The following OR8B3 variants were observed in gnomAD, a reference collection of about 807,000 sequenced individuals.
The protein encoded by OR8B3 is olfactory receptor 8B3.
For missense variants in OR8B3, 278 were observed against 377.6 expected, an observed-to-expected ratio of 0.74 and a Z score of 2.19; for synonymous variants, 102 against 135.4, an observed-to-expected ratio of 0.75 and a Z score of 1.71.
chr11:124,396,144 A>G lies in OR8B3; in HGVS notation c.*266T>C. On this transcript the variant is annotated 3_prime_UTR_variant, in exon 2 of 2. Coordinates refer to ENST00000641139, the MANE Select transcript of OR8B3 (RefSeq NM_001005467.2). ...TATGTCCAATTAAGAACAGCCCAGG[A>G]GAGAGGAAGGATATAAAATGATAAT... is the stretch of plus-strand genomic sequence containing the variant. 1 of 350,952 alleles carries G rather than the reference A, an allele frequency of 2.8e-6. No homozygotes were observed. Among genetic ancestry groups the G allele is most frequent in the Non-Finnish European group, 5.1e-6 (1 of 196,408 alleles). 21.7% of individuals were successfully genotyped at this position (350,952 alleles called of 1,614,324 possible).
chr11:124,402,330 G>A (rs973977048), upstream of OR8B3, among the ~76,000 whole-genome samples: 2 of 152,090 alleles, frequency 1.3e-5, no homozygotes, highest in African/African-American at 2.4e-5. Context: ...TTCAAATCTC[G>A]AATTATGTTA....
rs1860859261 is a variant in OR8B3 at position 124,396,009 on chromosome 11, CT to C, written c.*400del. On this transcript the variant is annotated 3_prime_UTR_variant, in exon 2 of 2. Coordinates refer to ENST00000641139, the MANE Select transcript of OR8B3 (RefSeq NM_001005467.2). The stretch of plus-strand genomic sequence containing the variant: ...TTTCATCAAATCCAGCTGCCTATAT[CT>C]GTAACAATGTTGATAAAAATAAGAA... 6.2e-6 allele frequency: 1 copy of C among 161,234 alleles called. No homozygotes were observed. Among genetic ancestry groups the C allele is most frequent in the African/African-American group, 2.4e-5 (1 of 41,612 alleles). The allele number at this position is 161,234 out of a possible 1,614,324, so 10.0% of individuals were successfully genotyped here.
the OR8B3 span, among the ~76,000 whole-genome samples, chr11:124,406,779 T>G: frequency 4.1e-5 from 6 of 147,032 alleles, no homozygotes; most frequent in Admixed American, 4.1e-4. Context: ...TTGTTCTTTG[T>G]AACCTCCTTC....
upstream of OR8B3, among the ~76,000 whole-genome samples, chr11:124,403,482 G>T (rs1175671301): frequency 6.6e-6 from 1 of 151,424 alleles, no homozygotes; most frequent in Non-Finnish European, 1.5e-5. Flanking sequence ...ATGGGGTCGC[G>T]GCCGGGCAGA....
At chr11:124,406,355 T>A in the OR8B3 span, among the ~76,000 whole-genome samples, 1 of 152,180 alleles carries the variant, frequency 6.6e-6, no homozygotes, top group Non-Finnish European at 1.5e-5. Context: ...GCCTGGAATA[T>A]GGAAAGAGTC....
At chr11:124,402,395 C>T (rs1407351110), upstream of OR8B3, among the ~76,000 whole-genome samples, 1 of 152,090 alleles carries the variant, frequency 6.6e-6, no homozygotes, top group Non-Finnish European at 1.5e-5. Flanking sequence ...TAAATTATAG[C>T]TTTAATTTTA....
chr11:124,406,785 C>T, the OR8B3 span, among the ~76,000 whole-genome samples: 97 of 142,242 alleles, frequency 6.8e-4, no homozygotes, highest in South Asian at 1.1e-3. Flanking sequence ...TTTGTAACCT[C>T]CTTCTCACCA....
rs1860868446 is a variant in OR8B3, at chr11:124,396,393, A to G, written c.*17T>C. ...ATTTAAAGTTCTTCAATCGTTTTAC[A>G]TTATTACTGCTTCTAATTAGAATAT... On this transcript the variant is annotated 3_prime_UTR_variant, in exon 2 of 2. Transcript: ENST00000641139. 4 of 1,573,496 alleles carry G rather than the reference A, an allele frequency of 2.5e-6. No homozygotes were observed. The highest frequency in any genetic ancestry group is 1.4e-5 in the African/African-American group (1 of 72,852).
the OR8B3 span, chr11:124,404,595 A>G: frequency 1.3e-5 from 2 of 152,214 alleles, no homozygotes; most frequent in Non-Finnish European, 2.9e-5. Context: ...CTGCAGCCTC[A>G]CTATCTCTGG....
chr11:124,405,514 A>G, the OR8B3 span, among the ~76,000 whole-genome samples: 4 of 152,332 alleles, frequency 2.6e-5, no homozygotes, highest in African/African-American at 9.6e-5. Context: ...ACCAGTGCTC[A>G]ACCTCGAGGG....
At chr11:124,402,092 T>C (rs1861002999), upstream of OR8B3, among the ~76,000 whole-genome samples, 1 of 152,234 alleles carries the variant, frequency 6.6e-6, no homozygotes, top group Non-Finnish European at 1.5e-5. Flanking sequence ...TGACAGCATC[T>C]TTTTAGGCTC....
rs754454948 is a variant in OR8B3, at chr11:124,397,045, A to C, written c.307T>G (p.Phe103Val). 1 of 1,613,976 alleles carries C rather than the reference A, an allele frequency of 6.2e-7. No individual in the cohort carries two copies. Among genetic ancestry groups the C allele is most frequent in the Non-Finnish European group, 8.5e-7 (1 of 1,179,870 alleles). The change falls in exon 2 of 2, where the codon TTC (phenylalanine) becomes GTC (valine). Residue 103 changes from phenylalanine (F) to valine (V), a missense_variant. Transcript: ENST00000641139. ...TCAGAGATGACAAAAAAGAGAAAGA[A>C]AAACAGCTGAGTCATGCACCCAACA... Reference protein sequence around the residue: ...SYVGCMTQLFFFLFFVISECY... With the variant: ...SYVGCMTQLFVFLFFVISECY...
chr11:124,397,103 C>T lies in OR8B3; in HGVS notation c.249G>A (p.Met83Ile). ...TAATATTCTTTTTTGATACAAAGTT[C>T]ATTAGCATTTTGGGAGTGAAAACAG... ...YSSVFTPKML[M>I]NFVSKKNIIS... Residue 83 changes from methionine to isoleucine, a missense_variant, in exon 2 of 2, where the codon ATG becomes ATA. Physicochemically the swap from Met to Ile is conservative, Grantham distance 10 (BLOSUM62 1). Transcript: ENST00000641139. 6.2e-7 allele frequency: 1 copy of T among 1,613,668 alleles called. No homozygotes were observed. Among genetic ancestry groups the T allele is most frequent in the Non-Finnish European group, 8.5e-7 (1 of 1,179,832 alleles).
At chr11:124,407,022 A>G in the OR8B3 span, among the ~76,000 whole-genome samples, 54 of 152,198 alleles carry the variant, frequency 3.5e-4, no homozygotes, top group African/African-American at 1.3e-3. Flanking sequence ...TTGCTTTGAT[A>G]GTCTATGATT....
Position 124,396,360 on chromosome 11 carries a change from TA to T in OR8B3, c.*49del. 1 of 1,472,946 alleles carries T rather than the reference TA, an allele frequency of 6.8e-7. No homozygotes were observed. The highest frequency in any genetic ancestry group is 9.2e-7 in the Non-Finnish European group (1 of 1,091,824). 91.2% of individuals were successfully genotyped at this position (1,472,946 alleles called of 1,614,324 possible). On this transcript the variant is annotated 3_prime_UTR_variant, in exon 2 of 2. Transcript: ENST00000641139. ...AACAAAATCTCTTCATGGAACACAC[TA>T]ATAAAAATTTAAAGTTCTTCAATCG...
rs761710565 is a variant in OR8B3 at position 124,396,791 on chromosome 11, A to G, written c.561T>C (p.Leu187=). 1.9e-6 allele frequency: 3 copies of G among 1,612,472 alleles called. No individual in the cohort carries two copies. The highest frequency in any genetic ancestry group is 2.5e-6 in the Non-Finnish European group (3 of 1,179,090). ...YLCDILPLLQ[L]SCTSTYVNEV... ...CGTTGACATAGGTGCTGGTGCAGGA[A>G]AGCTGGAGGAGGGGGAGTATGTCAC... Residue 187 remains leucine, a synonymous_variant, in exon 2 of 2, where the codon CTT becomes CTC. Transcript: ENST00000641139.
At position 124,397,849 on chromosome 11, in the gene OR8B3, C is replaced by T. The variant is rs116585257; in HGVS notation, c.-17-481G>A. 5.1e-3 allele frequency among the ~76,000 whole-genome samples: 774 copies of T among 152,146 alleles called. 5 individuals are homozygous for T. The highest frequency in any genetic ancestry group is 0.017 in the African/African-American group (706 of 41,500). ...TAGCTAGGATTACAGGCACATGCCA[C>T]GATCCCAGCTAATTTTTGTATTTTT... On this transcript the variant is annotated intron_variant, in intron 1 of 1. Coordinates refer to ENST00000641139, the MANE Select transcript of OR8B3 (RefSeq NM_001005467.2).
rs1454047813 is a variant in OR8B3, at chr11:124,396,352, G to A, written c.*58C>T. ...GTAGAAACAACAAAATCTCTTCATG[G>A]AACACACTAATAAAAATTTAAAGTT... On this transcript the variant is annotated 3_prime_UTR_variant, in exon 2 of 2. Coordinates refer to ENST00000641139, the MANE Select transcript of OR8B3 (RefSeq NM_001005467.2). The A allele has an allele frequency of 1.5e-5, 21 of 1,407,784 alleles. No individual in the cohort carries two copies. The African/African-American group carries it at 1.6e-4, about 11-fold the overall frequency. The allele number at this position is 1,407,784 out of a possible 1,614,324, so 87.2% of individuals were successfully genotyped here.
the OR8B3 span, among the ~76,000 whole-genome samples, chr11:124,408,078 A>C: frequency 1.3e-5 from 2 of 152,126 alleles, no homozygotes; most frequent in Non-Finnish European, 2.9e-5. Flanking sequence ...AACTTTCCAA[A>C]TTTTTGTGGC....
Sources: gnomAD v4.1 joint callset for allele counts (sites outside exome capture counted in the v4.1 genomes callset) on GRCh38, gnomAD v4.1.1 for gene constraint, MANE v1.5 for transcripts, NCBI Gene and HGNC (gene_info 2026-07-23, HGNC 2026-07-21) for gene names.